Variants in SLC16A2 observed in about 807,000 individuals in gnomAD.
SLC16A2 encodes the protein solute carrier family 16 member 2.
Under a neutral mutation model 27.2 loss-of-function variants are expected in SLC16A2, and 3 were observed. That is an observed-to-expected ratio of 0.11 (90% CI 0.05 to 0.28). The LOEUF is 0.28. Ranked by LOEUF, SLC16A2 falls within the 10% of genes least tolerant of loss-of-function variation. The pLI, the probability that SLC16A2 is intolerant of heterozygous loss-of-function variation, is 1.00. For synonymous variants in SLC16A2, 202 were observed against 187.8 expected (o/e 1.08, Z -0.62); for missense variants, 295 against 458.5 (o/e 0.64, Z 3.26).
In SLC16A2 at chrX:74,452,014, T is replaced by C. The variant is rs187275320; in HGVS notation, c.430+29947T>C. On this transcript the variant is annotated intron_variant, in intron 1 of 5. Coordinates refer to ENST00000587091, the MANE Select transcript of SLC16A2 (RefSeq NM_006517.5). Reference sequence around the variant, plus strand: ...TTCGAGAAGGGAAAAGTTCAATGACTGTCCGCTATCAGAGCACAATACGAG... The same window carrying C: ...TTCGAGAAGGGAAAAGTTCAATGACCGTCCGCTATCAGAGCACAATACGAG... Among the ~76,000 whole-genome samples, 710 of 112,814 alleles carry C rather than the reference T, an allele frequency of 6.3e-3. 7 individuals carry two copies. The highest frequency in any genetic ancestry group is 0.011 in the Non-Finnish European group (585 of 53,333).
chrX:74,510,522 G>A (rs1930210290), intron 1 of SLC16A2, among the ~76,000 whole-genome samples: 1 of 112,292 alleles, frequency 8.9e-6, no homozygotes, highest in South Asian at 3.7e-4. Context: ...GAAGGACTGG[G>A]ACAAGAGTTA....
intron 1 of SLC16A2, among the ~76,000 whole-genome samples, chrX:74,503,636 T>C (rs1469409721): frequency 1.8e-5 from 2 of 111,781 alleles, no homozygotes; most frequent in Admixed American, 1.9e-4. Flanking sequence ...TAACGTTAGA[T>C]GGAGGGTCAG....
intron 4 of SLC16A2, among the ~76,000 whole-genome samples, chrX:74,528,837 G>A (rs181305219): frequency 9.0e-6 from 1 of 111,653 alleles, no homozygotes. Context: ...TGAGAACACC[G>A]GTATGGCCTG....
At chrX:74,469,632 A>G (rs1381286097) in intron 1 of SLC16A2, among the ~76,000 whole-genome samples, 3 of 111,019 alleles carry the variant, frequency 2.7e-5, no homozygotes, top group African/African-American at 9.8e-5. Flanking sequence ...CTTTAAAGAA[A>G]TGTCTATTGA....
At chrX:74,507,364 A>G (rs1438431865) in intron 1 of SLC16A2, among the ~76,000 whole-genome samples, 1 of 111,865 alleles carries the variant, frequency 8.9e-6, no homozygotes. Flanking sequence ...ATTTTTACAT[A>G]TGTAGATATG....
In SLC16A2 at chrX:74,511,343, G is replaced by C. The variant is rs950676140; in HGVS notation, c.431-9647G>C. On this transcript the variant is annotated intron_variant, in intron 1 of 5. Transcript: ENST00000587091. ...ACTATAGGCACCCGCCACCGTGCCC[G>C]GCTAATTTTTTGTATTTTTAGAAGA... is the stretch of plus-strand genomic sequence containing the variant. 7.2e-5 allele frequency among the ~76,000 whole-genome samples: 8 copies of C among 110,459 alleles called. No individual in the cohort carries two copies. The Admixed American group carries it at 7.7e-4, about 11-fold the overall frequency.
At chrX:74,434,660 G>A (rs145996805) in intron 1 of SLC16A2, among the ~76,000 whole-genome samples, 8,926 of 110,425 alleles carry the variant, frequency 0.081, 356 homozygotes, top group South Asian at 0.21. Flanking sequence ...TTTCTAAGAG[G>A]TCCAAGGAAA....
intron 1 of SLC16A2, among the ~76,000 whole-genome samples, chrX:74,507,614 A>G (rs1930158199): frequency 1.8e-5 from 2 of 112,392 alleles, no homozygotes; most frequent in Non-Finnish European, 3.8e-5. Context: ...AAAGTTTACA[A>G]TATTCACAAT....
chrX:74,515,194 T>A (rs5937285), intron 1 of SLC16A2, among the ~76,000 whole-genome samples: 57,863 of 109,226 alleles, frequency 0.53, 13,356 homozygotes, highest in Non-Finnish European at 0.73. Flanking sequence ...CAGTAGATAA[T>A]TAGAAGATAT....
intron 1 of SLC16A2, among the ~76,000 whole-genome samples, chrX:74,440,674 A>G (rs982792789): frequency 2.7e-5 from 3 of 109,899 alleles, no homozygotes; most frequent in African/African-American, 1.0e-4. Flanking sequence ...TGTTTGTGTC[A>G]AAGCTGTGGA....
chrX:74,515,062 CACTA>C, intron 1 of SLC16A2, among the ~76,000 whole-genome samples: 1 of 111,919 alleles, frequency 8.9e-6, no homozygotes, highest in East Asian at 2.8e-4. Flanking sequence ...TATCAACTGA[CACTA>C]ACATGAAGAT....
intron 1 of SLC16A2, among the ~76,000 whole-genome samples, chrX:74,452,012 A>G (rs1400662865): frequency 8.9e-6 from 1 of 112,746 alleles, no homozygotes; most frequent in African/African-American, 3.2e-5. Context: ...AAGTTCAATG[A>G]CTGTCCGCTA....
chrX:74,473,251 C>G, intron 1 of SLC16A2: 2 of 742,709 alleles, frequency 2.7e-6, no homozygotes, highest in East Asian at 6.4e-5. Context: ...GCCATCCCCA[C>G]CGCCACCATA....
At chrX:74,468,677 AT>A (rs1385754898) in intron 1 of SLC16A2, among the ~76,000 whole-genome samples, 1 of 112,098 alleles carries the variant, frequency 8.9e-6, no homozygotes, top group Admixed American at 9.5e-5. Flanking sequence ...TTTTAAAAAA[AT>A]ATTTAATTTA....
chrX:74,427,820 C>T (rs1394392215), intron 1 of SLC16A2, among the ~76,000 whole-genome samples: 1 of 109,123 alleles, frequency 9.2e-6, no homozygotes, highest in East Asian at 3.0e-4. Flanking sequence ...CGCACACACA[C>T]ACACACACAC....
intron 1 of SLC16A2, among the ~76,000 whole-genome samples, chrX:74,490,085 ATAGT>A (rs1255411217): frequency 9.1e-6 from 1 of 109,334 alleles, no homozygotes; most frequent in African/African-American, 3.3e-5. Context: ...AAAAAAAAAA[ATAGT>A]TAGATCCAAG....
chrX:74,423,265 C>T (rs1195703623), intron 1 of SLC16A2, among the ~76,000 whole-genome samples: 1 of 112,234 alleles, frequency 8.9e-6, no homozygotes, highest in Non-Finnish European at 1.9e-5. Flanking sequence ...AAGTTCACAA[C>T]TCAGAATATG....
At chrX:74,431,051 A>G (rs1346319861) in intron 1 of SLC16A2, among the ~76,000 whole-genome samples, 1 of 112,861 alleles carries the variant, frequency 8.9e-6, no homozygotes, top group Non-Finnish European at 1.9e-5. Context: ...CTCAGTTTGG[A>G]GATTTCTCAA....
chrX:74,474,956 T>G (rs1287048013), intron 1 of SLC16A2, among the ~76,000 whole-genome samples: 2 of 111,371 alleles, frequency 1.8e-5, no homozygotes, highest in Non-Finnish European at 3.8e-5. Flanking sequence ...GCATGTGTCT[T>G]TATAGCAGCA....
Sources: allele counts gnomAD v4.1 joint callset (sites outside exome capture counted in the v4.1 genomes callset), GRCh38; gene constraint gnomAD v4.1.1; transcripts MANE v1.5; gene names NCBI Gene and HGNC (gene_info 2026-07-23, HGNC 2026-07-21).